EVI5: variants seen among roughly 807,000 people sequenced by gnomAD.
EVI5 encodes the protein ecotropic viral integration site 5 protein homolog.
A neutral mutation model predicts 112.0 loss-of-function variants in EVI5; 73 were observed. The observed-to-expected ratio is 0.65, with a 90% confidence interval of 0.54 to 0.79. EVI5 has a LOEUF of 0.79. Ranked by LOEUF, EVI5 falls within the 30% of genes least tolerant of loss-of-function variation. EVI5 has a pLI of 0.00. For missense variants in EVI5, 900 were observed against 968.8 expected, an observed-to-expected ratio of 0.93 and a Z score of 0.94; for synonymous variants, 305 against 319.9, an observed-to-expected ratio of 0.95 and a Z score of 0.50.
intron 18 of EVI5, among the ~76,000 whole-genome samples, chr1:92,564,869 A>C (rs1007444099): frequency 2.0e-5 from 3 of 151,962 alleles, no homozygotes; most frequent in African/African-American, 7.3e-5. Context: ...TAGTAGAGAC[A>C]GGGTTTTGCC....
intron 19 of EVI5, among the ~76,000 whole-genome samples, chr1:92,550,814 A>ATAT (rs1299209083): frequency 1.1e-4 from 11 of 104,492 alleles, no homozygotes; most frequent in East Asian, 5.9e-4. Flanking sequence ...ATATATATAT[A>ATAT]ACAAAAAAAA....
chr1:92,724,356 G>A (rs1675227974), intron 2 of EVI5, among the ~76,000 whole-genome samples: 1 of 152,094 alleles, frequency 6.6e-6, no homozygotes, highest in African/African-American at 2.4e-5. Flanking sequence ...AATACTGGGG[G>A]CTGGTTCCTC....
intron 19 of EVI5, among the ~76,000 whole-genome samples, chr1:92,516,360 A>G (rs1659870267): frequency 6.6e-6 from 1 of 152,224 alleles, no homozygotes; most frequent in Admixed American, 6.5e-5. Flanking sequence ...CCTCATCATC[A>G]GATGTAATTA....
At chr1:92,604,706 G>A (rs571318403) in intron 18 of EVI5, among the ~76,000 whole-genome samples, 30 of 152,128 alleles carry the variant, frequency 2.0e-4, no homozygotes, top group South Asian at 1.0e-3. Flanking sequence ...ACAACTGTAC[G>A]TGCTACACTT....
chr1:92,673,660 C>T (rs913330683), intron 10 of EVI5, among the ~76,000 whole-genome samples: 1 of 152,022 alleles, frequency 6.6e-6, no homozygotes, highest in African/African-American at 2.4e-5. Context: ...TTTTCACCTC[C>T]TCCCAATCAG....
At chr1:92,745,525 A>G (rs1394011218) in intron 1 of EVI5, among the ~76,000 whole-genome samples, 2 of 152,208 alleles carry the variant, frequency 1.3e-5, no homozygotes, top group Non-Finnish European at 2.9e-5. Context: ...CTTAAGAAAG[A>G]AAAACAGGCC....
At chr1:92,622,372 C>T (rs1378914311) in intron 16 of EVI5, 1 of 415,736 alleles carries the variant, frequency 2.4e-6, no homozygotes, top group East Asian at 7.6e-5. Context: ...GACACAAACA[C>T]AAAAACGGTA....
chr1:92,736,584 G>GA lies in EVI5; in HGVS notation c.-39dup. ...ATGCGATACTGTGTTCTTCACCCAT[G>GA]AGAGAGTAGAGCTCAGCTTTTCTGC... is the stretch of plus-strand genomic sequence containing the variant. On this transcript the variant is annotated 5_prime_UTR_variant, in exon 2 of 20. It introduces an in-frame stop codon into an upstream open reading frame of the 5' UTR. Transcript: ENST00000684568. 2 of 1,614,048 alleles carry GA rather than the reference G, an allele frequency of 1.2e-6. No individual in the cohort carries two copies. The highest frequency in any genetic ancestry group is 1.7e-6 in the Non-Finnish European group (2 of 1,179,924).
In EVI5 at chr1:92,703,449, G is replaced by C; in HGVS notation, c.510C>G (p.Asn170Lys). 6.3e-7 allele frequency: 1 copy of C among 1,588,804 alleles called. No individual in the cohort carries two copies. The highest frequency in any genetic ancestry group is 1.2e-5 in the South Asian group (1 of 86,040). The change falls in exon 4 of 20, where the codon AAC becomes AAG. Residue 170 changes from asparagine to lysine, a missense_variant. By Grantham distance (94) the Asn-to-Lys change is moderately conservative. Transcript: ENST00000684568. ...RDIARTYPEH[N>K]FFKEKDSLGQ... is the part of the protein sequence containing the mutation. ...CAAGGCTATCTTTTTCCTTAAAAAAGTTGTGTTCAGGGTAAGTTCTAGCAA... is the reference window on the plus strand; with the variant it reads ...CAAGGCTATCTTTTTCCTTAAAAAACTTGTGTTCAGGGTAAGTTCTAGCAA...
chr1:92,657,243 T>C (rs1663163050), intron 13 of EVI5, among the ~76,000 whole-genome samples: 4 of 152,114 alleles, frequency 2.6e-5, no homozygotes, highest in Non-Finnish European at 5.9e-5. Context: ...TCAATAACTG[T>C]GATTCACCAC....
At chr1:92,755,384 C>A (rs1680798932) in intron 1 of EVI5, among the ~76,000 whole-genome samples, 1 of 152,096 alleles carries the variant, frequency 6.6e-6, no homozygotes, top group South Asian at 2.1e-4. Context: ...GCACTCCAGC[C>A]TGGGCGACAC....
intron 10 of EVI5, among the ~76,000 whole-genome samples, chr1:92,671,467 T>C (rs1433131522): frequency 9.2e-5 from 14 of 152,226 alleles, no homozygotes; most frequent in Admixed American, 9.2e-4. Flanking sequence ...CCCATTCTCA[T>C]GGCTTTCAAT....
In EVI5 at chr1:92,533,193, T is replaced by G. The variant is rs200657259; in HGVS notation, c.2167-19223A>C. Reference sequence around the variant, plus strand: ...TGCAAATAAACTAGAAAATCCAGAATAAATGGATAAGTTCCTGGACACATA... The same window carrying G: ...TGCAAATAAACTAGAAAATCCAGAAGAAATGGATAAGTTCCTGGACACATA... On this transcript the variant is annotated intron_variant, in intron 19 of 19. Coordinates refer to ENST00000684568, the MANE Select transcript of EVI5 (RefSeq NM_001350197.2). Among the ~76,000 whole-genome samples, 10 of 151,958 alleles carry G rather than the reference T, an allele frequency of 6.6e-5. No homozygotes were observed. In the East Asian group the frequency reaches 1.5e-3, roughly 23 times the overall value.
intron 1 of EVI5, among the ~76,000 whole-genome samples, chr1:92,761,891 TGTAAATGGGAATAAAC>T (rs1401879779): frequency 6.6e-6 from 1 of 152,118 alleles, no homozygotes; most frequent in Non-Finnish European, 1.5e-5. Context: ...GTTCCAATTC[TGTAAATGGGAATAAAC>T]GCCCATGCAA....
chr1:92,761,131 AT>A (rs1343425609), intron 1 of EVI5, among the ~76,000 whole-genome samples: 2 of 151,588 alleles, frequency 1.3e-5, no homozygotes, highest in South Asian at 2.1e-4. Flanking sequence ...CCTATGTCAT[AT>A]TTTTTTAATT....
At chr1:92,605,700 A>C (rs541075520) in intron 17 of EVI5, among the ~76,000 whole-genome samples, 2 of 152,338 alleles carry the variant, frequency 1.3e-5, no homozygotes. Context: ...AGTGTTTTGC[A>C]TTTTGAAACT....
intron 2 of EVI5, among the ~76,000 whole-genome samples, chr1:92,712,358 G>GT (rs1672976894): frequency 1.3e-5 from 2 of 151,414 alleles, no homozygotes; most frequent in African/African-American, 4.8e-5. Flanking sequence ...TTTTTTCTGT[G>GT]TTTAAGATCA....
chr1:92,776,896 G>A (rs965992906), intron 1 of EVI5, among the ~76,000 whole-genome samples: 2 of 151,336 alleles, frequency 1.3e-5, no homozygotes, highest in Middle Eastern at 3.4e-3. Flanking sequence ...TCCGCCTCCC[G>A]GGTTCACGCC....
chr1:92,644,958 T>A (rs1393129483), intron 13 of EVI5, among the ~76,000 whole-genome samples: 1 of 152,180 alleles, frequency 6.6e-6, no homozygotes, highest in Non-Finnish European at 1.5e-5. Context: ...ATCTTCCATG[T>A]ATGTTTGAAA....
Sources: allele counts gnomAD v4.1 joint callset (sites outside exome capture counted in the v4.1 genomes callset), GRCh38; gene constraint gnomAD v4.1.1; transcripts MANE v1.5; gene names NCBI Gene and HGNC (gene_info 2026-07-23, HGNC 2026-07-21).